The following TRABD2B variants were observed in gnomAD, a reference collection of about 807,000 sequenced individuals.
The protein encoded by TRABD2B is metalloprotease TIKI2.
Under a neutral mutation model 40.1 loss-of-function variants are expected in TRABD2B, and 14 were observed. The ratio of observed to expected loss-of-function variants is 0.35; its 90% CI spans 0.23 to 0.55. TRABD2B has a LOEUF of 0.55. Ranked by LOEUF, TRABD2B falls within the 20% of genes least tolerant of loss-of-function variation. The probability of loss-of-function intolerance (pLI) is 0.90; values close to 1 mark genes in which losing one functional copy is unlikely to be tolerated. For synonymous variants in TRABD2B, 263 were observed against 277.0 expected, an observed-to-expected ratio of 0.95 and a Z score of 0.50; for missense variants, 541 against 648.6, an observed-to-expected ratio of 0.83 and a Z score of 1.80.
In TRABD2B at chr1:47,994,559, A is replaced by C; in HGVS notation, c.141T>G (p.Arg47=). 6.5e-7 allele frequency: 1 copy of C among 1,536,034 alleles called. No homozygotes were observed. The highest frequency in any genetic ancestry group is 8.7e-7 in the Non-Finnish European group (1 of 1,146,894). ...TGCCAAACAGGTAGGCCGGAGGATC[A>C]CGCCGAATCGTCCACAGGAAGGAGT... The part of the protein sequence containing the change: ...DLNSFLWTIR[R]DPPAYLFGTI... The change falls in exon 2 of 7, where the codon CGT becomes CGG. Residue 47 remains arginine, a synonymous_variant. Coordinates refer to ENST00000606738, the MANE Select transcript of TRABD2B (RefSeq NM_001194986.2). The surrounding 1 kb of genome is among the most constrained non-coding windows in gnomAD (Gnocchi z 6.7).
intron 2 of TRABD2B, among the ~76,000 whole-genome samples, chr1:47,919,112 T>C (rs1644867589): frequency 1.3e-5 from 2 of 152,058 alleles, no homozygotes; most frequent in Admixed American, 1.3e-4. Context: ...TTATTATAGG[T>C]CTCCCCAGTT....
chr1:47,827,001 T>C (rs775193628), intron 2 of TRABD2B, among the ~76,000 whole-genome samples: 3 of 152,178 alleles, frequency 2.0e-5, no homozygotes, highest in African/African-American at 4.8e-5. Context: ...GGGGAAACCT[T>C]TGGGGCCTCA....
chr1:47,810,147 T>A (rs1267928525), intron 2 of TRABD2B, among the ~76,000 whole-genome samples: 2 of 127,846 alleles, frequency 1.6e-5, no homozygotes, highest in East Asian at 2.4e-4. Flanking sequence ...GGTGTGTGTG[T>A]GTGTGTGCGC....
chr1:47,823,397 A>C (rs1645135934), intron 2 of TRABD2B, among the ~76,000 whole-genome samples: 1 of 152,258 alleles, frequency 6.6e-6, no homozygotes, highest in Non-Finnish European at 1.5e-5. Flanking sequence ...GAGAGGCTTC[A>C]GAGCTCTGCC....
intron 2 of TRABD2B, among the ~76,000 whole-genome samples, chr1:47,921,093 A>G (rs57963576): frequency 0.058 from 8,810 of 152,228 alleles, 468 homozygotes; most frequent in East Asian, 0.29. Context: ...CACTCACTAA[A>G]TGTTTGTCAA....
chr1:47,809,388 T>C (rs190877893), intron 2 of TRABD2B, among the ~76,000 whole-genome samples: 34 of 152,252 alleles, frequency 2.2e-4, no homozygotes, highest in Admixed American at 1.8e-3. Flanking sequence ...AATAAGTGAA[T>C]GGAAAGCCAA....
At chr1:47,807,900 G>A (rs1355512785) in intron 2 of TRABD2B, among the ~76,000 whole-genome samples, 1 of 152,160 alleles carries the variant, frequency 6.6e-6, no homozygotes, top group African/African-American at 2.4e-5. Context: ...GTCAGTATTT[G>A]GAGATTCAGT....
intron 2 of TRABD2B, among the ~76,000 whole-genome samples, chr1:47,960,309 CG>C (rs1368430158): frequency 6.6e-6 from 1 of 152,120 alleles, no homozygotes; most frequent in East Asian, 1.9e-4. Context: ...TGGCACAAGA[CG>C]GGGATGCCCT....
At chr1:47,989,873 G>T in intron 2 of TRABD2B, among the ~76,000 whole-genome samples, 1 of 152,186 alleles carries the variant, frequency 6.6e-6, no homozygotes, top group East Asian at 1.9e-4. Flanking sequence ...GGACTCACCT[G>T]AGTTTGAACA....
chr1:47,855,180 T>C (rs946835), intron 2 of TRABD2B, among the ~76,000 whole-genome samples: 113,841 of 152,202 alleles, frequency 0.75, 42,962 homozygotes, highest in East Asian at 0.98. Flanking sequence ...CGAATAAATA[T>C]CTATGTATTT....
At chr1:47,840,821 G>C (rs1266458001) in intron 2 of TRABD2B, among the ~76,000 whole-genome samples, 1 of 152,156 alleles carries the variant, frequency 6.6e-6, no homozygotes, top group African/African-American at 2.4e-5. Context: ...AGAAAAATTT[G>C]CTGCTTAAGT....
At chr1:47,829,611 G>A (rs1268691771) in intron 2 of TRABD2B, among the ~76,000 whole-genome samples, 4 of 151,908 alleles carry the variant, frequency 2.6e-5, no homozygotes, top group Non-Finnish European at 2.9e-5. Context: ...CCTCTCTGTC[G>A]CCACTCCCAT....
intron 2 of TRABD2B, among the ~76,000 whole-genome samples, chr1:47,950,955 A>C (rs1236213462): frequency 6.6e-6 from 1 of 152,206 alleles, no homozygotes; most frequent in Non-Finnish European, 1.5e-5. Flanking sequence ...TCCAGTAGAG[A>C]AGAGGGTTTC....
At chr1:47,801,449 C>T (rs1021282117) in intron 3 of TRABD2B, 24 bp downstream of exon 3, 91 of 1,533,234 alleles carry the variant, frequency 5.9e-5, no homozygotes, top group Non-Finnish European at 7.6e-5. Flanking sequence ...GCCAGGTATC[C>T]AGGTCTTTGG....
At chr1:47,861,589 G>T (rs1045205184) in intron 2 of TRABD2B, among the ~76,000 whole-genome samples, 1 of 152,048 alleles carries the variant, frequency 6.6e-6, no homozygotes, top group Non-Finnish European at 1.5e-5. Flanking sequence ...ATCTGAATAG[G>T]CCCATTTCTA....
chr1:47,877,398 G>A (rs1570186852), intron 2 of TRABD2B, among the ~76,000 whole-genome samples: 1 of 152,104 alleles, frequency 6.6e-6, no homozygotes, highest in South Asian at 2.1e-4. Flanking sequence ...AATGGCAAAG[G>A]CTTGGGTCCT....
intron 2 of TRABD2B, among the ~76,000 whole-genome samples, chr1:47,954,512 G>C (rs1645390576): frequency 6.6e-6 from 1 of 152,218 alleles, no homozygotes; most frequent in African/African-American, 2.4e-5. Flanking sequence ...TGGAGAGGGA[G>C]GAGCCATGGG....
At chr1:47,987,973 G>A (rs1645944994) in intron 2 of TRABD2B, among the ~76,000 whole-genome samples, 1 of 152,178 alleles carries the variant, frequency 6.6e-6, no homozygotes, top group Non-Finnish European at 1.5e-5. Context: ...GACTTCCTGG[G>A]AGAAAAGGCT....
At chr1:47,984,810 CACA>C (rs1017778043) in intron 2 of TRABD2B, among the ~76,000 whole-genome samples, 1 of 151,966 alleles carries the variant, frequency 6.6e-6, no homozygotes, top group Non-Finnish European at 1.5e-5. Flanking sequence ...CACAACACAC[CACA>C]AGACAAGCCA....
Sources: allele counts gnomAD v4.1 joint callset (sites outside exome capture counted in the v4.1 genomes callset), GRCh38; gene constraint gnomAD v4.1.1; non-coding constraint Gnocchi (gnomAD v3.1); transcripts MANE v1.5; gene names NCBI Gene and HGNC (gene_info 2026-07-23, HGNC 2026-07-21).